The following C12orf42 variants were observed in gnomAD, a reference collection of about 807,000 sequenced individuals.
C12orf42 encodes chromosome 12 open reading frame 42.
C12orf42 carries 25 observed loss-of-function variants against 21.6 expected under a neutral mutation model. That is an observed-to-expected ratio of 1.16 (90% CI 0.84 to 1.62). C12orf42 has a LOEUF of 1.62. C12orf42 is among the 40% of genes most tolerant of loss of function. C12orf42 has a pLI of 0.00. For missense variants in C12orf42, 483 were observed against 459.3 expected, an observed-to-expected ratio of 1.05 and a Z score of -0.47; for synonymous variants, 174 against 175.0, an observed-to-expected ratio of 0.99 and a Z score of 0.05.
intron 3 of C12orf42, among the ~76,000 whole-genome samples, chr12:103,394,862 G>A (rs1167937109): frequency 6.6e-6 from 1 of 152,202 alleles, no homozygotes; most frequent in Non-Finnish European, 1.5e-5. Flanking sequence ...GGGGAAGACA[G>A]GTGGGAGATA....
intron 1 of C12orf42, 136 bp from the exon 2 acceptor site, chr12:103,478,583 A>ATT (rs3065865): frequency 0.058 from 16,199 of 278,836 alleles, 693 homozygotes; most frequent in East Asian, 0.14. Context: ...ACTTTCAATA[A>ATT]TTTTTTTTTT....
At chr12:103,507,235 AT>A in the C12orf42 span, among the ~76,000 whole-genome samples, 2 of 57,032 alleles carry the variant, frequency 3.5e-5, no homozygotes, top group African/African-American at 2.1e-4. Flanking sequence ...ATAAATATAT[AT>A]ATATTATATA....
chr12:103,363,986 A>G (rs2044357567), intron 4 of C12orf42, among the ~76,000 whole-genome samples: 1 of 152,106 alleles, frequency 6.6e-6, no homozygotes, highest in Admixed American at 6.6e-5. Context: ...ATACCCTAGA[A>G]CAAATGGACT....
chr12:103,452,286 G>A (rs1397628305), intron 2 of C12orf42, among the ~76,000 whole-genome samples: 1 of 151,980 alleles, frequency 6.6e-6, no homozygotes, highest in East Asian at 1.9e-4. Context: ...GCATGAAAGA[G>A]CTCTGGAGGC....
chr12:103,494,910 G>A (rs1017085217), intron 1 of C12orf42, among the ~76,000 whole-genome samples: 1 of 152,184 alleles, frequency 6.6e-6, no homozygotes, highest in Middle Eastern at 3.2e-3. Context: ...GTCACAGGGA[G>A]AAGAGTGATT....
the C12orf42 span, among the ~76,000 whole-genome samples, chr12:103,219,369 A>G: frequency 6.6e-6 from 1 of 152,230 alleles, no homozygotes; most frequent in East Asian, 1.9e-4. Context: ...TCATGAGTGA[A>G]ACACCAAAAG....
upstream of C12orf42, among the ~76,000 whole-genome samples, chr12:103,498,713 C>T (rs1955637357): frequency 6.6e-6 from 1 of 152,166 alleles, no homozygotes; most frequent in Non-Finnish European, 1.5e-5. Context: ...AGATCATGGC[C>T]TTTGCAGGTA....
At chr12:103,361,275 T>C (rs981998809) in intron 4 of C12orf42, among the ~76,000 whole-genome samples, 1 of 152,048 alleles carries the variant, frequency 6.6e-6, no homozygotes, top group Non-Finnish European at 1.5e-5. Flanking sequence ...AACCTCAAGG[T>C]CTAGATTAAG....
intron 4 of C12orf42, among the ~76,000 whole-genome samples, chr12:103,337,758 C>G (rs946895500): frequency 1.3e-5 from 2 of 152,172 alleles, no homozygotes; most frequent in African/African-American, 4.8e-5. Flanking sequence ...CTATTCTCCT[C>G]AGAACAAAAC....
At chr12:103,522,591 A>G in the C12orf42 span, among the ~76,000 whole-genome samples, 1 of 152,168 alleles carries the variant, frequency 6.6e-6, no homozygotes, top group East Asian at 1.9e-4. Flanking sequence ...CTCCTCGACC[A>G]TTGGGATATG....
chr12:103,219,092 G>A, the C12orf42 span, among the ~76,000 whole-genome samples: 1 of 152,190 alleles, frequency 6.6e-6, no homozygotes, highest in East Asian at 1.9e-4. Context: ...AAAGGGGGCT[G>A]AAGCCAGGGA....
At chr12:103,097,493 A>T in the C12orf42 span, among the ~76,000 whole-genome samples, 1 of 152,224 alleles carries the variant, frequency 6.6e-6, no homozygotes, top group Non-Finnish European at 1.5e-5. Flanking sequence ...AAATGTGTTG[A>T]GTTAGTGACT....
intron 1 of C12orf42, among the ~76,000 whole-genome samples, chr12:103,489,167 C>G (rs1298283053): frequency 1.3e-5 from 2 of 152,274 alleles, no homozygotes; most frequent in East Asian, 3.9e-4. Flanking sequence ...TAATGCTATT[C>G]CTTTCTGTTT....
At chr12:103,374,448 G>A (rs751962213) in intron 3 of C12orf42, among the ~76,000 whole-genome samples, 4 of 152,098 alleles carry the variant, frequency 2.6e-5, no homozygotes, top group Non-Finnish European at 5.9e-5. Context: ...CCAGCATGAG[G>A]CAAGCATCTC....
At chr12:103,543,632 C>T in the C12orf42 span, among the ~76,000 whole-genome samples, 1 of 151,780 alleles carries the variant, frequency 6.6e-6, no homozygotes, top group East Asian at 1.9e-4. Flanking sequence ...AAACTTAAAA[C>T]ACTTTAATCC....
chr12:103,405,189 C>A (rs577159686), intron 2 of C12orf42, among the ~76,000 whole-genome samples: 2 of 152,212 alleles, frequency 1.3e-5, no homozygotes, highest in South Asian at 4.1e-4. Context: ...AAGGCGAGAT[C>A]CAGGGAGAAA....
chr12:103,373,762 G>A (rs916355876), intron 3 of C12orf42, among the ~76,000 whole-genome samples: 1 of 152,158 alleles, frequency 6.6e-6, no homozygotes. Context: ...CTGAAATCCA[G>A]AATCATTCTT....
At chr12:103,294,493 GAAA>G in intron 4 of C12orf42, among the ~76,000 whole-genome samples, 1 of 141,126 alleles carries the variant, frequency 7.1e-6, no homozygotes, top group East Asian at 2.1e-4. Context: ...AAGCAAGAAA[GAAA>G]GAAAGAAAGA....
chr12:103,319,747 C>T (rs1012539223), intron 4 of C12orf42, among the ~76,000 whole-genome samples: 1 of 152,218 alleles, frequency 6.6e-6, no homozygotes, highest in Non-Finnish European at 1.5e-5. Context: ...AATATGTTGT[C>T]TTTGGTTGGT....
Sources: gnomAD v4.1 joint callset for allele counts (sites outside exome capture counted in the v4.1 genomes callset) on GRCh38, gnomAD v4.1.1 for gene constraint, MANE v1.5 for transcripts, NCBI Gene and HGNC (gene_info 2026-07-23, HGNC 2026-07-21) for gene names.